The following CFAP221 variants were observed in gnomAD, a reference collection of about 807,000 sequenced individuals.
CFAP221 encodes cilia and flagella associated protein 221.
Under a neutral mutation model 113.1 loss-of-function variants are expected in CFAP221, and 97 were observed. The observed-to-expected ratio is 0.86, with a 90% CI of 0.73 to 1.02. The LOEUF is 1.02. Among genes scored for constraint, CFAP221 ranks in the 50% least tolerant of loss-of-function variants. The probability of loss-of-function intolerance (pLI) is 0.00; values close to 1 mark genes in which losing one functional copy is unlikely to be tolerated. For missense variants in CFAP221, 1,025 were observed against 1,013.4 expected (o/e 1.01, Z -0.16); for synonymous variants, 331 against 354.4 (o/e 0.93, Z 0.74).
intron 13 of CFAP221, among the ~76,000 whole-genome samples, chr2:119,613,667 A>G (rs1179791638): frequency 2.0e-5 from 3 of 152,206 alleles, no homozygotes; most frequent in Admixed American, 6.5e-5. Context: ...GGCCCAGCCC[A>G]CAAAACCATT....
intron 6 of CFAP221, 87 bp from the exon 7 acceptor site, chr2:119,587,032 G>A (rs1265517862): frequency 6.2e-5 from 59 of 954,224 alleles, no homozygotes; most frequent in African/African-American, 1.0e-4. Flanking sequence ...TGTTTATTAC[G>A]TAACTTGAGT....
intron 16 of CFAP221, among the ~76,000 whole-genome samples, chr2:119,628,724 C>T (rs1386808341): frequency 6.6e-6 from 1 of 152,170 alleles, no homozygotes; most frequent in Non-Finnish European, 1.5e-5. Context: ...TCAAGAATTA[C>T]GGGACTGAAT....
intron 6 of CFAP221, among the ~76,000 whole-genome samples, chr2:119,565,759 T>C (rs1456088843): frequency 6.6e-6 from 1 of 152,216 alleles, no homozygotes; most frequent in East Asian, 1.9e-4. Context: ...CGTAATGGCT[T>C]ATAATCAACT....
chr2:119,657,362 AAGACAAGTGCTCACCTT>A (rs1688478809), downstream of CFAP221, among the ~76,000 whole-genome samples: 1 of 152,158 alleles, frequency 6.6e-6, no homozygotes, highest in African/African-American at 2.4e-5. Flanking sequence ...CCCTCATGCA[AAGACAAGTGCTCACCTT>A]ACATGGGGTT....
chr2:119,585,021 T>A (rs1683112196), intron 6 of CFAP221, among the ~76,000 whole-genome samples: 1 of 152,124 alleles, frequency 6.6e-6, no homozygotes, highest in Non-Finnish European at 1.5e-5. Flanking sequence ...AGTGAAAAAA[T>A]GCAAACAACC....
chr2:119,572,835 G>A (rs78916839), intron 6 of CFAP221: 1 of 420,292 alleles, frequency 2.4e-6, no homozygotes, highest in African/African-American at 2.0e-5. Flanking sequence ...AGGCTATAGA[G>A]GCTCTGTAGC....
chr2:119,658,982 G>A (rs1445036848), downstream of CFAP221, among the ~76,000 whole-genome samples: 3 of 134,464 alleles, frequency 2.2e-5, no homozygotes, highest in African/African-American at 8.6e-5. Context: ...CAGAATGAGA[G>A]CCTGTCTCAA....
intron 21 of CFAP221, among the ~76,000 whole-genome samples, chr2:119,643,698 C>A (rs981032525): frequency 6.6e-6 from 1 of 152,112 alleles, no homozygotes; most frequent in Non-Finnish European, 1.5e-5. Context: ...CGTGGGCCAC[C>A]ACACCTGGCT....
At position 119,651,493 on chromosome 2, in the gene CFAP221, GAAA is replaced by G. The variant is rs60171203; in HGVS notation, c.2319-468_2319-466del. ...AGGGATAGCAGACCACAAAAAGATC[GAAA>G]AAAAAAAAAAAACTAGACTATTTAG... On this transcript the variant is annotated intron_variant, in intron 22 of 23. Coordinates refer to ENST00000413369, the MANE Select transcript of CFAP221 (RefSeq NM_001271049.2). Among the ~76,000 whole-genome samples, 952 of 148,022 alleles carry G rather than the reference GAAA, an allele frequency of 6.4e-3. 5 individuals are homozygous for G. The highest frequency in any genetic ancestry group is 8.9e-3 in the African/African-American group (359 of 40,358).
chr2:119,583,577 C>T (rs1187988960), intron 6 of CFAP221, among the ~76,000 whole-genome samples: 1 of 151,980 alleles, frequency 6.6e-6, no homozygotes, highest in Admixed American at 6.5e-5. Context: ...AGTAGCATTG[C>T]AATACACTAG....
chr2:119,551,603 T>C (rs1055828344), intron 3 of CFAP221, among the ~76,000 whole-genome samples: 4 of 152,202 alleles, frequency 2.6e-5, no homozygotes, highest in African/African-American at 9.6e-5. Flanking sequence ...CCGGTTCTAC[T>C]CCATTGACCT....
rs10172551 is a variant in CFAP221 at position 119,553,290 on chromosome 2, C to T, written c.240+4105C>T. 1.9e-3 allele frequency among the ~76,000 whole-genome samples: 294 copies of T among 152,176 alleles called. 1 individual carries two copies. The highest frequency in any genetic ancestry group is 6.6e-3 in the African/African-American group (275 of 41,518). On this transcript the variant is annotated intron_variant, in intron 3 of 23. Coordinates refer to ENST00000413369, the MANE Select transcript of CFAP221 (RefSeq NM_001271049.2). ...GGGCCCAGAGAAAGACATGCAGGGG[C>T]TTGAGTTGAGCCAACAAACGGCGTA...
intron 7 of CFAP221, among the ~76,000 whole-genome samples, chr2:119,590,712 A>G (rs1683540175): frequency 6.6e-6 from 1 of 152,232 alleles, no homozygotes; most frequent in Non-Finnish European, 1.5e-5. Context: ...AGTTTATCAC[A>G]TAATAAGCCC....
intron 13 of CFAP221, among the ~76,000 whole-genome samples, chr2:119,613,987 ACT>A (rs2104707642): frequency 6.6e-6 from 1 of 152,272 alleles, no homozygotes; most frequent in East Asian, 1.9e-4. Flanking sequence ...CCTCTTGAAC[ACT>A]CTGCTGTTTA....
chr2:119,614,575 A>T (rs1029982886), intron 13 of CFAP221, among the ~76,000 whole-genome samples: 2 of 152,188 alleles, frequency 1.3e-5, no homozygotes, highest in Admixed American at 1.3e-4. Context: ...GAAGCCCCTT[A>T]CAAAAACCAT....
At chr2:119,658,445 G>A (rs558112307), downstream of CFAP221, among the ~76,000 whole-genome samples, 1 of 152,160 alleles carries the variant, frequency 6.6e-6, no homozygotes, top group Non-Finnish European at 1.5e-5. Context: ...GTCAGCCCTG[G>A]AATCAACCAT....
chr2:119,568,795 G>A (rs986530454), intron 6 of CFAP221, among the ~76,000 whole-genome samples: 2 of 152,080 alleles, frequency 1.3e-5, no homozygotes, highest in African/African-American at 4.8e-5. Flanking sequence ...GTGCTGCAAC[G>A]ATTGTTCTTT....
chr2:119,582,139 C>G (rs1263816187), intron 6 of CFAP221, among the ~76,000 whole-genome samples: 3 of 152,078 alleles, frequency 2.0e-5, no homozygotes, highest in African/African-American at 4.8e-5. Context: ...CACACACAAT[C>G]CTCACTAAAA....
intron 14 of CFAP221, among the ~76,000 whole-genome samples, chr2:119,623,694 A>C (rs1194099905): frequency 6.6e-6 from 1 of 152,204 alleles, no homozygotes; most frequent in African/African-American, 2.4e-5. Context: ...AACAGAACAG[A>C]AGCCTCAGAA....
Sources: gnomAD v4.1 joint callset for allele counts (sites outside exome capture counted in the v4.1 genomes callset) on GRCh38, gnomAD v4.1.1 for gene constraint, MANE v1.5 for transcripts, NCBI Gene and HGNC (gene_info 2026-07-23, HGNC 2026-07-21) for gene names.